Variants in ZBBX observed in about 807,000 individuals in gnomAD.
ZBBX encodes zinc finger B-box domain-containing protein 1.
A neutral mutation model predicts 108.5 loss-of-function variants in ZBBX; 101 were observed. That is an observed-to-expected ratio of 0.93 (90% CI 0.79 to 1.10). The LOEUF (loss-of-function observed/expected upper bound fraction) is 1.10, where lower values mean the gene tolerates loss of function less well. Among genes scored for constraint, ZBBX ranks in the 50% least tolerant of loss-of-function variants. The pLI, the probability that ZBBX is intolerant of heterozygous loss-of-function variation, is 0.00. For synonymous variants in ZBBX, 356 were observed against 323.4 expected (o/e 1.10, Z -1.08); for missense variants, 1,009 against 941.4 (o/e 1.07, Z -0.94).
the ZBBX span, among the ~76,000 whole-genome samples, chr3:167,231,494 G>A: frequency 6.6e-6 from 1 of 151,720 alleles, no homozygotes; most frequent in Non-Finnish European, 1.5e-5. Context: ...CAAGATCATT[G>A]CAATCAAACA....
chr3:167,191,896 CATATATATATATATATAT>C, the ZBBX span, among the ~76,000 whole-genome samples: 51 of 67,956 alleles, frequency 7.5e-4, 1 homozygote, highest in African/African-American at 1.9e-3. Context: ...TTACAAAAAT[CATATATATATATATATAT>C]ATATATATAT....
intron 19 of ZBBX, among the ~76,000 whole-genome samples, chr3:167,288,037 A>C (rs542246265): frequency 6.6e-6 from 1 of 152,208 alleles, no homozygotes; most frequent in South Asian, 2.1e-4. Context: ...TATTCCTCCT[A>C]AACTGTGAGC....
chr3:167,189,997 T>G, the ZBBX span, among the ~76,000 whole-genome samples: 5 of 152,312 alleles, frequency 3.3e-5, no homozygotes, highest in Non-Finnish European at 5.9e-5. Context: ...CTACCTTACT[T>G]TTTCATAATG....
At chr3:167,262,034 C>T (rs1188915562) in intron 20 of ZBBX, among the ~76,000 whole-genome samples, 1 of 152,176 alleles carries the variant, frequency 6.6e-6, no homozygotes, top group Non-Finnish European at 1.5e-5. Context: ...CTGCTTCTTC[C>T]TCTACCCCTG....
At position 167,265,091 on chromosome 3, in the gene ZBBX, C is replaced by T. The variant is rs139765545; in HGVS notation, c.2254+17147G>A. 3.2e-4 allele frequency among the ~76,000 whole-genome samples: 49 copies of T among 152,320 alleles called. 1 individual carries two copies. In the East Asian group the frequency reaches 7.0e-3, roughly 22 times the overall value. The stretch of plus-strand genomic sequence containing the variant: ...TATTCCACTGTGGCCAAGCTGGTAG[C>T]CAGGGTACAAGACAAAGTCCCCTTT... On this transcript the variant is annotated intron_variant, in intron 20 of 21. Coordinates refer to ENST00000675490, the MANE Select transcript of ZBBX (RefSeq NM_001199201.2).
At chr3:167,331,569 C>T in intron 10 of ZBBX, 1 of 985,372 alleles carries the variant, frequency 1.0e-6, no homozygotes, top group Non-Finnish European at 1.2e-6. Flanking sequence ...GAATACCTGG[C>T]TTCCACATAG....
intron 18 of ZBBX, among the ~76,000 whole-genome samples, chr3:167,294,084 T>C (rs565051296): frequency 1.3e-5 from 2 of 152,284 alleles, no homozygotes; most frequent in Admixed American, 6.5e-5. Flanking sequence ...TGCTCATGGA[T>C]TGGAAGAATC....
chr3:167,190,924 T>C, the ZBBX span, among the ~76,000 whole-genome samples: 2 of 152,304 alleles, frequency 1.3e-5, no homozygotes, highest in African/African-American at 2.4e-5. Context: ...TCTATGCTTA[T>C]CTTCACTAAG....
At chr3:167,333,677 G>C in intron 10 of ZBBX, 150 bp downstream of exon 10, 1 of 598,462 alleles carries the variant, frequency 1.7e-6, no homozygotes, top group Non-Finnish European at 2.6e-6. Flanking sequence ...TTATAGTCAA[G>C]ATGTATTTGG....
chr3:167,205,785 C>T, the ZBBX span, among the ~76,000 whole-genome samples: 7 of 152,162 alleles, frequency 4.6e-5, no homozygotes, highest in African/African-American at 1.7e-4. Flanking sequence ...AATAACTACA[C>T]TATTACATCT....
chr3:167,354,055 T>C (rs965770298), intron 8 of ZBBX, among the ~76,000 whole-genome samples: 1 of 152,036 alleles, frequency 6.6e-6, no homozygotes, highest in African/African-American at 2.4e-5. Context: ...CATCATAGCT[T>C]AGCCTAGCTA....
Position 167,242,556 on chromosome 3 carries a change from T to A in ZBBX, c.2342A>T (p.Asp781Val). The part of the protein sequence containing the change: ...QSLNISQIST[D>V]FLKTSHVRGP... ...CCTCACATGTGAGGTCTTAAGGAAA[T>A]CTGTGGAAATCTGACTTATATTCAG... Residue 781 changes from aspartate to valine, a missense_variant, in exon 21 of 22, where the codon GAT (aspartate) becomes GTT (valine). Asp to Val is a radical substitution (Grantham distance 152). Coordinates refer to ENST00000675490, the MANE Select transcript of ZBBX (RefSeq NM_001199201.2). 6.2e-7 allele frequency: 1 copy of A among 1,613,472 alleles called. No individual in the cohort carries two copies. The highest frequency in any genetic ancestry group is 8.5e-7 in the Non-Finnish European group (1 of 1,179,718).
At chr3:167,261,794 A>G (rs1724587256) in intron 20 of ZBBX, among the ~76,000 whole-genome samples, 1 of 151,526 alleles carries the variant, frequency 6.6e-6, no homozygotes, top group Admixed American at 6.6e-5. Flanking sequence ...AAAAAAAAAA[A>G]AAAAAGTGGG....
intron 4 of ZBBX, among the ~76,000 whole-genome samples, chr3:167,369,395 A>G (rs151079198): frequency 2.0e-4 from 30 of 152,334 alleles, no homozygotes; most frequent in African/African-American, 7.0e-4. Flanking sequence ...TAAAGGAGAA[A>G]TCTTTCTAGA....
intron 18 of ZBBX, among the ~76,000 whole-genome samples, chr3:167,290,106 A>AC (rs1458595479): frequency 6.6e-6 from 1 of 152,180 alleles, no homozygotes; most frequent in East Asian, 1.9e-4. Flanking sequence ...CCTCCCCGGG[A>AC]CAGAGCACCT....
rs4589933 is a variant in ZBBX, at chr3:167,284,625, A to T, written c.1997-2130T>A. Among the ~76,000 whole-genome samples, 5 of 152,128 alleles carry T rather than the reference A, an allele frequency of 3.3e-5. No individual in the cohort carries two copies. The East Asian group carries it at 9.7e-4, about 29-fold the overall frequency. ...GAAGAGTACGAACACTAATAAGAAC[A>T]TTTGATTGCCACAGTATTTAAAGGT... On this transcript the variant is annotated intron_variant, in intron 19 of 21. Transcript: ENST00000675490.
chr3:167,191,676 C>T, the ZBBX span, among the ~76,000 whole-genome samples: 1 of 151,752 alleles, frequency 6.6e-6, no homozygotes, highest in Non-Finnish European at 1.5e-5. Flanking sequence ...ACTGTGAGTC[C>T]AATTAAACCT....
At chr3:167,225,956 G>A in the ZBBX span, among the ~76,000 whole-genome samples, 1 of 151,450 alleles carries the variant, frequency 6.6e-6, no homozygotes, top group Admixed American at 6.6e-5. Context: ...CTATTCAGGT[G>A]GATATAGATC....
rs533213918 is a variant in ZBBX at position 167,252,263 on chromosome 3, C to G, written c.2255-9620G>C. 16 of 1,066,210 alleles carry G rather than the reference C, an allele frequency of 1.5e-5. No homozygotes were observed. In the South Asian group the frequency reaches 1.9e-4, roughly 12 times the overall value. 66.0% of individuals were successfully genotyped at this position (1,066,210 alleles called of 1,614,324 possible). On this transcript the variant is annotated intron_variant, in intron 20 of 21. Coordinates refer to ENST00000675490, the MANE Select transcript of ZBBX (RefSeq NM_001199201.2). ...GAGGTTGCTGTACACAATAATGCAG[C>G]TTTCACAGAGATTTGAACATATTTA...
Sources: allele counts gnomAD v4.1 joint callset (sites outside exome capture counted in the v4.1 genomes callset), GRCh38; gene constraint gnomAD v4.1.1; transcripts MANE v1.5; gene names NCBI Gene and HGNC (gene_info 2026-07-23, HGNC 2026-07-21).